The following PLEKHG4 variants were observed in gnomAD, a reference collection of about 807,000 sequenced individuals.
The protein encoded by PLEKHG4 is pleckstrin homology and RhoGEF domain containing G4.
In PLEKHG4, 85 loss-of-function variants were observed where a neutral mutation model predicts 136.9. That is an observed-to-expected ratio of 0.62 (90% CI 0.52 to 0.74). The LOEUF is 0.74. PLEKHG4 is among the 30% of genes least tolerant of loss of function. The pLI is 0.00. For synonymous variants in PLEKHG4, 577 were observed against 646.9 expected, an observed-to-expected ratio of 0.89 and a Z score of 1.64; for missense variants, 1,317 against 1,527.8, an observed-to-expected ratio of 0.86 and a Z score of 2.30.
Position 67,284,414 on chromosome 16 carries a change from A to G in PLEKHG4, c.1649A>G (p.Gln550Arg). ...EFSRALAQRCQRLADAERLFQ... is the reference protein window; with the variant it reads ...EFSRALAQRCRRLADAERLFQ... ...TCTAGGGCTTTGGCCCAGCGGTGCC[A>G]GCGGCTGGCGGATGCTGAGAGGCTG... Residue 550 changes from glutamine (Q) to arginine (R), a missense_variant, in exon 12 of 22, where the codon CAG (glutamine) becomes CGG (arginine). By Grantham distance (43) the Gln-to-Arg change is conservative. Coordinates refer to ENST00000379344, the MANE Select transcript of PLEKHG4 (RefSeq NM_001129729.3). This position sits in a 1 kb window ranked among gnomAD's most constrained non-coding sequence, Gnocchi z 4.4. 1 of 1,614,072 alleles carries G rather than the reference A, an allele frequency of 6.2e-7. No individual in the cohort carries two copies. Among genetic ancestry groups the G allele is most frequent in the Non-Finnish European group, 8.5e-7 (1 of 1,179,992 alleles).
chr16:67,278,962 C>T (rs2036082392), upstream of PLEKHG4: 1 of 152,358 alleles, frequency 6.6e-6, no homozygotes, highest in Non-Finnish European at 1.5e-5. Flanking sequence ...ACCCATTGGT[C>T]TCACTCCCAC....
chr16:67,288,871 G>C lies in PLEKHG4; in HGVS notation c.*63G>C. 6.3e-7 allele frequency: 1 copy of C among 1,583,152 alleles called. No homozygotes were observed. The highest frequency in any genetic ancestry group is 8.6e-7 in the Non-Finnish European group (1 of 1,158,216). ...AGCTCCAAGGAACATTGCCTCTCTG[G>C]ATCTGCTGTGACCAGGGTGTGGCTG... On this transcript the variant is annotated 3_prime_UTR_variant, in exon 22 of 22. Transcript: ENST00000379344.
rs745606426 is a variant in PLEKHG4 at position 67,288,456 on chromosome 16, CG to C, written c.3455-32del. 1.9e-6 allele frequency: 3 copies of C among 1,613,680 alleles called. No individual in the cohort carries two copies. The African/African-American group carries it at 4.0e-5, about 22-fold the overall frequency. ...GCATGGCTTGGGGTCTGGGGCTTCCCGTGCTGACAGTTCACCCAGTCTCCCT... is the reference window on the plus strand; with the variant it reads ...GCATGGCTTGGGGTCTGGGGCTTCCCTGCTGACAGTTCACCCAGTCTCCCT... On this transcript the variant is annotated intron_variant, in intron 20 of 21. Coordinates refer to ENST00000379344, the MANE Select transcript of PLEKHG4 (RefSeq NM_001129729.3).
rs1180874869 is a variant in PLEKHG4 at position 67,286,900 on chromosome 16, C to G, written c.2906C>G (p.Ala969Gly). The G allele has an allele frequency of 6.2e-7, 1 of 1,613,928 alleles. No homozygotes were observed. The highest frequency in any genetic ancestry group is 1.7e-5 in the Admixed American group (1 of 60,030). ...RHGPTGVDTF[A>G]YKRSFKMADL... ...GGGCCCACAGGGGTTGACACATTTGCCTACAAGCGCTCCTTCAAGGTAGGC... is the reference window on the plus strand; with the variant it reads ...GGGCCCACAGGGGTTGACACATTTGGCTACAAGCGCTCCTTCAAGGTAGGC... Residue 969 changes from alanine to glycine, a missense_variant, in exon 17 of 22, where the codon GCC (alanine) becomes GGC (glycine). Ala to Gly is a moderately conservative substitution (Grantham distance 60, BLOSUM62 0). Transcript: ENST00000379344.
chr16:67,284,807 C>T lies in PLEKHG4; in HGVS notation c.1787C>T (p.Thr596Ile), dbSNP rs748463206. 70 of 1,613,462 alleles carry T rather than the reference C, an allele frequency of 4.3e-5. 1 individual carries two copies. The highest frequency in any genetic ancestry group is 3.3e-4 in the Admixed American group (20 of 59,994). ...TTGCAGCAGCTGCAGCTGCACTGGA[C>T]CAGGCACCCTGACTTGCCTCCTGCC... Reference protein sequence around the residue: ...VVLQQLQLHWTRHPDLPPAHF... With the variant: ...VVLQQLQLHWIRHPDLPPAHF... The change falls in exon 13 of 22, where the codon ACC becomes ATC. Residue 596 changes from threonine (T) to isoleucine (I), a missense_variant. Thr to Ile is a moderately conservative substitution (Grantham distance 89, BLOSUM62 -1). Coordinates refer to ENST00000379344, the MANE Select transcript of PLEKHG4 (RefSeq NM_001129729.3). The surrounding 1 kb of genome is among the most constrained non-coding windows in gnomAD (Gnocchi z 4.4).
chr16:67,286,381 T>G lies in PLEKHG4; in HGVS notation c.2532+18T>G, dbSNP rs993221978. The G allele has an allele frequency of 1.6e-5, 26 of 1,610,716 alleles. No individual in the cohort carries two copies. Among genetic ancestry groups the G allele is most frequent in the Non-Finnish European group, 2.2e-5 (26 of 1,177,156 alleles). Reference sequence around the variant, plus strand: ...TCTTCAAGGTAAGTGAACCTGAGATTAGGAGGAGTAGGGGATGCGGGGAGT... The same window carrying G: ...TCTTCAAGGTAAGTGAACCTGAGATGAGGAGGAGTAGGGGATGCGGGGAGT... On this transcript the variant is annotated intron_variant, in intron 15 of 21. Transcript: ENST00000379344.
In PLEKHG4 at chr16:67,288,568, G is replaced by A. The variant is rs919500989; in HGVS notation, c.3534G>A (p.Gly1178=). 5 of 1,613,880 alleles carry A rather than the reference G, an allele frequency of 3.1e-6. No homozygotes were observed. The African/African-American group carries it at 5.3e-5, about 17-fold the overall frequency. ...SSGSDSSCVS[G]QALGRGLEDL... ...GCTCTGACAGCAGCTGTGTGTCAGG[G>A]CAGGCCCTGGGTAGGGGCCTGGAGG... The change falls in exon 21 of 22, where the codon GGG becomes GGA. Residue 1178 remains glycine, a synonymous_variant. Transcript: ENST00000379344.
In PLEKHG4 at chr16:67,283,110, CT is replaced by C. The variant is rs201293848; in HGVS notation, c.1509+259del. Among the ~76,000 whole-genome samples, 59 of 152,060 alleles carry C rather than the reference CT, an allele frequency of 3.9e-4. No homozygotes were observed. In the East Asian group the frequency reaches 0.011, roughly 28 times the overall value. On this transcript the variant is annotated intron_variant, in intron 11 of 21. Coordinates refer to ENST00000379344, the MANE Select transcript of PLEKHG4 (RefSeq NM_001129729.3). ...TTACCCAGCAGGAGTGTCAGGCAAG[CT>C]TTTTTTGGGTGATTTTTGAGCTGAG...
chr16:67,288,085 T>C (rs2036564602), intron 19 of PLEKHG4, 71 bp downstream of exon 19: 1 of 1,512,406 alleles, frequency 6.6e-7, no homozygotes, highest in Middle Eastern at 1.7e-4. Context: ...GGCCCTCCAT[T>C]AGTGCTGGCC....
upstream of PLEKHG4, chr16:67,279,299 C>G (rs1303964844): frequency 6.6e-6 from 1 of 152,322 alleles, no homozygotes; most frequent in Non-Finnish European, 1.5e-5. Context: ...GTCTGCGGGG[C>G]CCGGGGGTGC....
At chr16:67,278,977 A>T (rs2036082797), upstream of PLEKHG4, 1 of 152,256 alleles carries the variant, frequency 6.6e-6, no homozygotes, top group Admixed American at 6.5e-5. Context: ...TCCCACCCGG[A>T]TGGCAGCCCC....
intron 19 of PLEKHG4, 33 bp downstream of exon 19, chr16:67,288,047 A>C (rs1397721554): frequency 6.4e-7 from 1 of 1,553,184 alleles, no homozygotes; most frequent in Non-Finnish European, 8.9e-7. Flanking sequence ...TGGGGGTGGG[A>C]GTAGGAAAGC....
Position 67,281,710 on chromosome 16 carries a change from T to C in PLEKHG4, c.892-14T>C. ...CCCCCCAGGCCTGGGTCACAACACC[T>C]TCTTCTCCTGTAGCTGGAGCAGTTG... On this transcript the variant is annotated splice_polypyrimidine_tract_variant and intron_variant, in intron 6 of 21. Coordinates refer to ENST00000379344, the MANE Select transcript of PLEKHG4 (RefSeq NM_001129729.3). The C allele has an allele frequency of 6.2e-7, 1 of 1,613,366 alleles. No individual in the cohort carries two copies. Among genetic ancestry groups the C allele is most frequent in the Non-Finnish European group, 8.5e-7 (1 of 1,179,726 alleles).
At position 67,281,149 on chromosome 16, in the gene PLEKHG4, A is replaced by G; in HGVS notation, c.778A>G (p.Ser260Gly). The G allele has an allele frequency of 6.2e-7, 1 of 1,613,830 alleles. No individual in the cohort carries two copies. Among genetic ancestry groups the G allele is most frequent in the Non-Finnish European group, 8.5e-7 (1 of 1,179,944 alleles). ...VLVDARICAP[S>G]SSLFSGLSQL... ...AGTTGATGCCCGAATTTGTGCTCCA[A>G]GTTCTTCCCTCTTCTCTGGGCTCAG... The change falls in exon 5 of 22, where the codon AGT becomes GGT. Residue 260 changes from serine to glycine, a missense_variant. Transcript: ENST00000379344.
rs761837479 is a variant in PLEKHG4, at chr16:67,288,144, A to G, written c.3221-23A>G. 6.2e-6 allele frequency: 10 copies of G among 1,606,134 alleles called. No homozygotes were observed. In the South Asian group the frequency reaches 8.8e-5, roughly 14 times the overall value. On this transcript the variant is annotated intron_variant, in intron 19 of 21. Coordinates refer to ENST00000379344, the MANE Select transcript of PLEKHG4 (RefSeq NM_001129729.3). The stretch of plus-strand genomic sequence containing the variant: ...CCAGGCTAGGCTCTGGCCTGTCCCA[A>G]CCTGACCCTCTCTCTTATGCAGAAG...
chr16:67,287,229 A>G (rs373076116), intron 18 of PLEKHG4, 52 bp downstream of exon 18: 41 of 1,567,574 alleles, frequency 2.6e-5, no homozygotes, highest in African/African-American at 2.3e-4. Flanking sequence ...GAGAGCTTAC[A>G]TTGACCCACA....
At position 67,285,450 on chromosome 16, in the gene PLEKHG4, C is replaced by T. The variant is rs754761718; in HGVS notation, c.2356C>T (p.Arg786Trp). 8.1e-6 allele frequency: 13 copies of T among 1,614,128 alleles called. No individual in the cohort carries two copies. Among genetic ancestry groups the T allele is most frequent in the South Asian group, 1.1e-5 (1 of 91,090 alleles). The change falls in exon 14 of 22, where the codon CGG becomes TGG. Residue 786 changes from arginine to tryptophan, a missense_variant. Transcript: ENST00000379344. Reference sequence around the variant, plus strand: ...CCTCTTTGGCAACCTGGAGAAGCTGCGGGACTTCCACTGCCACTTCTTCCT... The same window carrying T: ...CCTCTTTGGCAACCTGGAGAAGCTGTGGGACTTCCACTGCCACTTCTTCCT... ...AHLFGNLEKL[R>W]DFHCHFFLRE... is the part of the protein sequence containing the mutation.
At position 67,284,589 on chromosome 16, in the gene PLEKHG4, AC is replaced by A. The variant is rs2036377857; in HGVS notation, c.1693-121del. On this transcript the variant is annotated intron_variant, in intron 12 of 21. Transcript: ENST00000379344. The surrounding 1 kb of genome is among the most constrained non-coding windows in gnomAD (Gnocchi z 4.4). Reference sequence around the variant, plus strand: ...CCCTGGTCTTCAGTTTGACCCTAAAACCCAGTCACTGGGGCTGTGTCCTGGA... The same window carrying A: ...CCCTGGTCTTCAGTTTGACCCTAAAACCAGTCACTGGGGCTGTGTCCTGGA... The A allele has an allele frequency of 2.0e-6, 3 of 1,476,508 alleles. No individual in the cohort carries two copies. The highest frequency in any genetic ancestry group is 2.8e-6 in the Non-Finnish European group (3 of 1,074,084). The allele number at this position is 1,476,508 out of a possible 1,614,324, so 91.5% of individuals were successfully genotyped here.
chr16:67,278,158 T>G (rs1186263654), upstream of PLEKHG4: 1 of 152,456 alleles, frequency 6.6e-6, no homozygotes, highest in East Asian at 1.9e-4. Context: ...CAAGGTTGGA[T>G]GATGCTTCCT....
Sources: allele counts gnomAD v4.1 joint callset (sites outside exome capture counted in the v4.1 genomes callset), GRCh38; gene constraint gnomAD v4.1.1; non-coding constraint Gnocchi (gnomAD v3.1); transcripts MANE v1.5; gene names NCBI Gene and HGNC (gene_info 2026-07-23, HGNC 2026-07-21).